Variants in EXOC2 observed in about 807,000 individuals in gnomAD.
EXOC2 encodes exocyst complex component 2, also known as SEC5-like 1.
In EXOC2, 70 loss-of-function variants were observed where a neutral mutation model predicts 131.8. That is an observed-to-expected ratio of 0.53 (90% CI 0.44 to 0.65). The LOEUF (loss-of-function observed/expected upper bound fraction) is 0.65. EXOC2 is among the 30% of genes least tolerant of loss of function. EXOC2 has a pLI of 0.00. For synonymous variants in EXOC2, 411 were observed against 398.4 expected (o/e 1.03, Z -0.38); for missense variants, 923 against 1,108.6 (o/e 0.83, Z 2.38).
chr6:562,064 C>A (rs1289479240), intron 17 of EXOC2, among the ~76,000 whole-genome samples: 1 of 152,178 alleles, frequency 6.6e-6, no homozygotes, highest in Non-Finnish European at 1.5e-5. Flanking sequence ...CCACGAGTGA[C>A]CCCGAGGCCA....
intron 23 of EXOC2, among the ~76,000 whole-genome samples, chr6:525,884 T>C (rs866216858): frequency 1.3e-5 from 2 of 152,304 alleles, no homozygotes; most frequent in African/African-American, 4.8e-5. Flanking sequence ...CACATATAGG[T>C]ATGCATTTAC....
intron 23 of EXOC2, among the ~76,000 whole-genome samples, chr6:512,145 C>T (rs1764882860): frequency 6.6e-6 from 1 of 152,238 alleles, no homozygotes; most frequent in Non-Finnish European, 1.5e-5. Flanking sequence ...AGGCCATGGT[C>T]CTTGAGCCCC....
At chr6:637,186 T>C (rs1762141170) in intron 2 of EXOC2, among the ~76,000 whole-genome samples, 1 of 152,152 alleles carries the variant, frequency 6.6e-6, no homozygotes, top group African/African-American at 2.4e-5. Flanking sequence ...AAAACTAAAC[T>C]TTGGCTCGCT....
chr6:663,969 A>G (rs1437811543), intron 1 of EXOC2, among the ~76,000 whole-genome samples: 1 of 152,236 alleles, frequency 6.6e-6, no homozygotes, highest in Non-Finnish European at 1.5e-5. Flanking sequence ...AAGGCATCCA[A>G]ATCGGTAAAG....
At chr6:645,641 T>C (rs755416427) in intron 1 of EXOC2, among the ~76,000 whole-genome samples, 2 of 152,180 alleles carry the variant, frequency 1.3e-5, no homozygotes, top group Non-Finnish European at 2.9e-5. Context: ...AAGGCAGATA[T>C]ATGAACTCAG....
rs576541634 is a variant in EXOC2, at chr6:512,254, G to A, written c.2381-12554C>T. On this transcript the variant is annotated intron_variant, in intron 23 of 27. Transcript: ENST00000230449. ...CACGAACAATACAGGTTTGAACCGCGTGGGTCCACCCATAGGTGGGTTTTC... is the reference window on the plus strand; with the variant it reads ...CACGAACAATACAGGTTTGAACCGCATGGGTCCACCCATAGGTGGGTTTTC... Among the ~76,000 whole-genome samples, 66 of 152,332 alleles carry A rather than the reference G, an allele frequency of 4.3e-4. 1 individual carries two copies. The highest frequency in any genetic ancestry group is 1.4e-3 in the African/African-American group (59 of 41,576).
chr6:552,175 G>A (rs904355129), intron 21 of EXOC2, among the ~76,000 whole-genome samples: 31 of 152,176 alleles, frequency 2.0e-4, no homozygotes, highest in Admixed American at 2.0e-3. Context: ...AATCAGCCCC[G>A]CCCTGAGGCA....
intron 1 of EXOC2, among the ~76,000 whole-genome samples, chr6:646,254 C>T (rs1762575132): frequency 6.6e-6 from 1 of 152,104 alleles, no homozygotes; most frequent in Non-Finnish European, 1.5e-5. Context: ...TAACTACATA[C>T]TGAAGTATTT....
intron 1 of EXOC2, among the ~76,000 whole-genome samples, chr6:683,500 C>T (rs1042336597): frequency 6.6e-6 from 1 of 152,166 alleles, no homozygotes; most frequent in African/African-American, 2.4e-5. Flanking sequence ...CCAATATCAC[C>T]GCTGACAAAT....
intron 1 of EXOC2, among the ~76,000 whole-genome samples, chr6:673,252 C>CAAAAAAAAAAAAAAAA (rs56189394): frequency 1.0e-3 from 66 of 64,252 alleles, no homozygotes; most frequent in African/African-American, 2.3e-3. Flanking sequence ...ACTCCATAGC[C>CAAAAAAAAAAAAAAAA]AAAAAAAAAA....
chr6:636,236 T>C (rs1459291342), intron 2 of EXOC2, among the ~76,000 whole-genome samples: 1 of 152,222 alleles, frequency 6.6e-6, no homozygotes, highest in East Asian at 1.9e-4. Context: ...GTGAGTAGAT[T>C]TCTATGCATT....
At chr6:540,107 A>G (rs190269617) in intron 22 of EXOC2, among the ~76,000 whole-genome samples, 7 of 152,334 alleles carry the variant, frequency 4.6e-5, no homozygotes, top group African/African-American at 7.2e-5. Flanking sequence ...ACATGCGCAC[A>G]CCATGCCCAG....
At chr6:560,460 CT>C (rs1757641030) in intron 17 of EXOC2, among the ~76,000 whole-genome samples, 1 of 152,118 alleles carries the variant, frequency 6.6e-6, no homozygotes, top group South Asian at 2.1e-4. Flanking sequence ...TTTTAAAAAG[CT>C]TTTAAAAAAT....
intron 23 of EXOC2, among the ~76,000 whole-genome samples, chr6:531,510 GGC>G (rs1230051192): frequency 6.8e-6 from 1 of 146,212 alleles, no homozygotes; most frequent in African/African-American, 2.6e-5. Flanking sequence ...AAGTAACTGT[GGC>G]TAATTTAATG....
At chr6:513,345 C>A (rs1358625496) in intron 23 of EXOC2, among the ~76,000 whole-genome samples, 1 of 152,240 alleles carries the variant, frequency 6.6e-6, no homozygotes, top group African/African-American at 2.4e-5. Flanking sequence ...ATCTGCCGAA[C>A]CTGTTTTCCT....
intron 13 of EXOC2, among the ~76,000 whole-genome samples, chr6:566,330 G>A (rs1376814949): frequency 6.6e-6 from 1 of 152,202 alleles, no homozygotes; most frequent in Non-Finnish European, 1.5e-5. Flanking sequence ...GGGCCAGTGT[G>A]CGAGTATGAC....
intron 21 of EXOC2, among the ~76,000 whole-genome samples, chr6:551,476 G>C (rs1561846757): frequency 6.6e-6 from 1 of 152,226 alleles, no homozygotes; most frequent in East Asian, 1.9e-4. Flanking sequence ...CACATGTGAG[G>C]TGCCTGGGGG....
At chr6:554,980 C>A (rs570993199) in intron 20 of EXOC2, among the ~76,000 whole-genome samples, 3 of 152,194 alleles carry the variant, frequency 2.0e-5, no homozygotes, top group African/African-American at 4.8e-5. Flanking sequence ...AAAACCTGTT[C>A]TTTGGATAAT....
chr6:647,291 G>A (rs1047178385), intron 1 of EXOC2, among the ~76,000 whole-genome samples: 3 of 151,990 alleles, frequency 2.0e-5, no homozygotes, highest in African/African-American at 7.3e-5. Flanking sequence ...AAAACTTAAT[G>A]AAAATAATTA....
Sources: gnomAD v4.1 joint callset for allele counts (sites outside exome capture counted in the v4.1 genomes callset) on GRCh38, gnomAD v4.1.1 for gene constraint, MANE v1.5 for transcripts, NCBI Gene and HGNC (gene_info 2026-07-23, HGNC 2026-07-21) for gene names.